Variants in MAP7D2 observed in about 807,000 individuals in gnomAD.
MAP7D2 encodes the protein MAP7 domain containing 2.
A neutral mutation model predicts 63.5 loss-of-function variants in MAP7D2; 33 were observed. The ratio of observed to expected loss-of-function variants is 0.52; its 90% CI spans 0.39 to 0.70. The LOEUF is 0.70. Ranked by LOEUF, MAP7D2 falls within the 30% of genes least tolerant of loss-of-function variation. The pLI is 0.00. For synonymous variants in MAP7D2, 224 were observed against 223.7 expected (o/e 1.00, Z -0.01); for missense variants, 626 against 604.0 (o/e 1.04, Z -0.38).
intron 10 of MAP7D2, among the ~76,000 whole-genome samples, chrX:20,019,818 G>A (rs770607663): frequency 1.6e-3 from 181 of 111,436 alleles, no homozygotes; most frequent in African/African-American, 5.3e-3. Flanking sequence ...CCAGGCCTTA[G>A]GTACCCTTGT....
At chrX:20,045,535 A>G (rs1203621806) in intron 6 of MAP7D2, among the ~76,000 whole-genome samples, 2 of 105,884 alleles carry the variant, frequency 1.9e-5, no homozygotes, top group African/African-American at 6.9e-5. Flanking sequence ...TCGAAAAAAA[A>G]AAAAAAAAAA....
intron 8 of MAP7D2, among the ~76,000 whole-genome samples, chrX:20,032,752 A>C (rs913206920): frequency 8.9e-6 from 1 of 111,930 alleles, no homozygotes; most frequent in Admixed American, 9.5e-5. Flanking sequence ...TTTTGAGTTT[A>C]TCTCTCCATC....
At position 20,094,543 on chromosome X, in the gene MAP7D2, TATATATATATATATATATATATATAC is replaced by T. The variant is rs2148503588; in HGVS notation, c.130+22181_130+22206del. On this transcript the variant is annotated intron_variant, in intron 1 of 16. Coordinates refer to ENST00000379643, the MANE Select transcript of MAP7D2 (RefSeq NM_001168465.2). ...ATATATATATATATATATATATATGTATATATATATATATATATATATATACATATATATGTATATATATATATATT... is the reference window on the plus strand; with the variant it reads ...ATATATATATATATATATATATATGTATATATATGTATATATATATATATT... Among the ~76,000 whole-genome samples the T allele has an allele frequency of 1.7e-3, 10 of 6,038 alleles. 1 individual carries two copies. The highest frequency in any genetic ancestry group is 7.9e-3 in the Admixed American group (2 of 253). The allele number at this position is 6,038 out of a possible 115,157, so 5.2% of individuals were successfully genotyped here. A position where few individuals can be genotyped will look rare whatever the true frequency, so the allele number is the denominator to read the frequency against.
chrX:20,062,878 G>C (rs1198680486), intron 3 of MAP7D2, among the ~76,000 whole-genome samples: 1 of 111,636 alleles, frequency 9.0e-6, no homozygotes, highest in African/African-American at 3.3e-5. Context: ...TTTGAGGGTA[G>C]ACTAATTTGC....
intron 1 of MAP7D2, among the ~76,000 whole-genome samples, chrX:20,081,639 T>C (rs59697649): frequency 0.049 from 5,365 of 108,870 alleles, 207 homozygotes; most frequent in African/African-American, 0.14. Flanking sequence ...GCCATCTCAC[T>C]GGGCATCAGA....
At position 20,007,176 on chromosome X, in the gene MAP7D2, C is replaced by G. The variant is rs1162440625; in HGVS notation, c.*1249G>C. The G allele has an allele frequency of 1.8e-5, 2 of 112,183 alleles. No homozygotes were observed. Among genetic ancestry groups the G allele is most frequent in the Admixed American group, 1.9e-4 (2 of 10,559 alleles). 9.2% of individuals were successfully genotyped at this position (112,183 alleles called of 1,213,427 possible). ...ATATAATTTCTGTAACTAATACATT[C>G]TTAAATGTAGCTGGCTGTAAAAGCA... On this transcript the variant is annotated 3_prime_UTR_variant, in exon 17 of 17. Transcript: ENST00000379643.
chrX:20,101,387 G>A (rs912763287), intron 1 of MAP7D2, among the ~76,000 whole-genome samples: 2 of 112,058 alleles, frequency 1.8e-5, no homozygotes, highest in Admixed American at 9.5e-5. Flanking sequence ...AGAAAAAATC[G>A]AATATCAAGC....
At chrX:20,103,060 C>T (rs1315617188) in intron 1 of MAP7D2, among the ~76,000 whole-genome samples, 1 of 111,317 alleles carries the variant, frequency 9.0e-6, no homozygotes, top group East Asian at 2.8e-4. Context: ...ACAGGGAACA[C>T]GATTAACTCA....
intron 8 of MAP7D2, among the ~76,000 whole-genome samples, chrX:20,036,159 A>G (rs1052955383): frequency 4.5e-5 from 5 of 110,839 alleles, no homozygotes; most frequent in Non-Finnish European, 7.6e-5. Flanking sequence ...GAGGAGGGTG[A>G]GAATCAAAAA....
At chrX:20,029,352 C>G (rs1261632061) in intron 8 of MAP7D2, among the ~76,000 whole-genome samples, 1 of 112,267 alleles carries the variant, frequency 8.9e-6, no homozygotes, top group Non-Finnish European at 1.9e-5. Context: ...GGCTCACACA[C>G]TCAGTCAGTG....
chrX:20,108,246 T>A (rs760269731), intron 1 of MAP7D2, among the ~76,000 whole-genome samples: 30 of 109,253 alleles, frequency 2.7e-4, no homozygotes, highest in African/African-American at 1.3e-4. Context: ...TTTATTTTTT[T>A]TTTTTTGAGA....
At chrX:20,029,710 G>A (rs1242939981) in intron 8 of MAP7D2, among the ~76,000 whole-genome samples, 1 of 111,019 alleles carries the variant, frequency 9.0e-6, no homozygotes, top group Non-Finnish European at 1.9e-5. Context: ...CCAATAAACA[G>A]AGTAAGTTAG....
intron 1 of MAP7D2, among the ~76,000 whole-genome samples, chrX:20,085,395 T>C (rs2065886532): frequency 8.9e-6 from 1 of 112,185 alleles, no homozygotes; most frequent in African/African-American, 3.2e-5. Context: ...AAATACAGCA[T>C]TTCCCTACAG....
At chrX:20,104,553 G>A (rs983230840) in intron 1 of MAP7D2, among the ~76,000 whole-genome samples, 2 of 112,176 alleles carry the variant, frequency 1.8e-5, no homozygotes, top group Non-Finnish European at 3.8e-5. Flanking sequence ...CACCCCTCTC[G>A]GCCTCCCAAA....
In MAP7D2 at chrX:20,050,948, T is replaced by A; in HGVS notation, c.596-2A>T. The A allele has an allele frequency of 8.8e-7, 1 of 1,133,690 alleles. No homozygotes were observed. The highest frequency in any genetic ancestry group is 3.3e-5 in the East Asian group (1 of 30,266). The allele number at this position is 1,133,690 out of a possible 1,213,427, so 93.4% of individuals were successfully genotyped here. ...TTGGACTAAGGTGCATGTGATGAGCTGAGGGATGGAATCAAATGAAAATTT... is the reference window on the plus strand; with the variant it reads ...TTGGACTAAGGTGCATGTGATGAGCAGAGGGATGGAATCAAATGAAAATTT... On this transcript the variant is annotated splice_acceptor_variant, in intron 5 of 16. Transcript: ENST00000379643. LOFTEE classifies it high-confidence loss of function.
chrX:20,041,211 T>C (rs779264691), intron 8 of MAP7D2, among the ~76,000 whole-genome samples: 4 of 111,071 alleles, frequency 3.6e-5, no homozygotes, highest in African/African-American at 6.5e-5. Context: ...GGGTGGAAGC[T>C]GAAAAAGGCT....
intron 10 of MAP7D2, among the ~76,000 whole-genome samples, chrX:20,018,440 C>CTTT (rs757792186): frequency 2.6e-5 from 2 of 77,416 alleles, no homozygotes; most frequent in Admixed American, 1.4e-4. Flanking sequence ...AAATCTTGTC[C>CTTT]TTTTTTTTTT....
chrX:20,037,805 G>A (rs777668337), intron 8 of MAP7D2, among the ~76,000 whole-genome samples: 1 of 111,651 alleles, frequency 9.0e-6, no homozygotes, highest in African/African-American at 3.3e-5. Flanking sequence ...AAAAACTGAG[G>A]ACATTTGTAT....
intron 1 of MAP7D2, among the ~76,000 whole-genome samples, chrX:20,073,528 T>C (rs903424754): frequency 2.8e-5 from 3 of 107,449 alleles, no homozygotes; most frequent in Non-Finnish European, 5.8e-5. Flanking sequence ...GGTTCTTTTC[T>C]TTTCTTTTTT....
Sources: allele counts gnomAD v4.1 joint callset (sites outside exome capture counted in the v4.1 genomes callset), GRCh38; gene constraint gnomAD v4.1.1; transcripts MANE v1.5; gene names NCBI Gene and HGNC (gene_info 2026-07-23, HGNC 2026-07-21).